NAALADL2: variants seen among roughly 807,000 people sequenced by gnomAD.
The protein encoded by NAALADL2 is N-acetylated alpha-linked acidic dipeptidase like 2, also known as inactive N-acetylated-alpha-linked acidic dipeptidase-like protein 2.
In NAALADL2, 76 loss-of-function variants were observed where a neutral mutation model predicts 87.2. The observed-to-expected ratio is 0.87, with a 90% CI of 0.72 to 1.05. The LOEUF (loss-of-function observed/expected upper bound fraction) is 1.05. Ranked by LOEUF, NAALADL2 falls within the 50% of genes least tolerant of loss-of-function variation. The pLI is 0.00. For synonymous variants in NAALADL2, 354 were observed against 331.0 expected (o/e 1.07, Z -0.75); for missense variants, 1,089 against 945.8 (o/e 1.15, Z -1.99).
intron 10 of NAALADL2, among the ~76,000 whole-genome samples, chr3:175,615,225 C>T (rs1188263524): frequency 6.6e-6 from 1 of 152,108 alleles, no homozygotes; most frequent in East Asian, 1.9e-4. Flanking sequence ...ACTGAATTAA[C>T]TCAGAATAAG....
intron 3 of NAALADL2, among the ~76,000 whole-genome samples, chr3:174,756,719 G>A (rs960855509): frequency 1.1e-4 from 16 of 152,102 alleles, no homozygotes; most frequent in African/African-American, 3.9e-4. Context: ...AAATAAAGCT[G>A]GTACACAGTA....
At chr3:175,188,413 G>C (rs1737657337) in intron 2 of NAALADL2, among the ~76,000 whole-genome samples, 1 of 152,128 alleles carries the variant, frequency 6.6e-6, no homozygotes, top group Non-Finnish European at 1.5e-5. Flanking sequence ...TCTTCGCAAA[G>C]CAGGGGAGTC....
intron 2 of NAALADL2, among the ~76,000 whole-genome samples, chr3:175,179,630 T>C (rs1369925571): frequency 2.6e-5 from 4 of 152,144 alleles, no homozygotes; most frequent in South Asian, 4.1e-4. Context: ...TATAAAACTT[T>C]ATAGTTATTT....
chr3:174,685,449 A>G (rs1727943273), intron 2 of NAALADL2, among the ~76,000 whole-genome samples: 1 of 152,046 alleles, frequency 6.6e-6, no homozygotes, highest in Non-Finnish European at 1.5e-5. Flanking sequence ...GTTGATTCCA[A>G]ACTTCTCTTC....
At chr3:175,447,439 C>A in intron 6 of NAALADL2, 67 bp downstream of exon 6, 1 of 1,110,978 alleles carries the variant, frequency 9.0e-7, no homozygotes, top group Non-Finnish European at 1.2e-6. Flanking sequence ...TTTTTAATCT[C>A]CTAAATTGAT....
intron 2 of NAALADL2, among the ~76,000 whole-genome samples, chr3:174,610,251 A>C (rs955808592): frequency 1.3e-5 from 2 of 152,004 alleles, no homozygotes; most frequent in African/African-American, 2.4e-5. Flanking sequence ...GGACATAGGC[A>C]TGGGCAAGGA....
chr3:174,607,966 C>T (rs1719313312), intron 2 of NAALADL2, among the ~76,000 whole-genome samples: 1 of 152,164 alleles, frequency 6.6e-6, no homozygotes, highest in Admixed American at 6.5e-5. Flanking sequence ...AACAAACTGT[C>T]TCTCAGACCA....
chr3:174,623,048 A>G (rs1048181194), intron 2 of NAALADL2, among the ~76,000 whole-genome samples: 1 of 152,220 alleles, frequency 6.6e-6, no homozygotes, highest in African/African-American at 2.4e-5. Context: ...GTCTCAAAAA[A>G]AAAGAGGACT....
intron 4 of NAALADL2, among the ~76,000 whole-genome samples, chr3:175,270,104 G>A (rs1458903259): frequency 6.6e-6 from 1 of 152,166 alleles, no homozygotes; most frequent in Non-Finnish European, 1.5e-5. Context: ...GCCTGAAAAT[G>A]CCTCTAACCA....
chr3:175,400,467 T>A (rs1411948512), intron 5 of NAALADL2, among the ~76,000 whole-genome samples: 7 of 151,874 alleles, frequency 4.6e-5, no homozygotes, highest in Admixed American at 3.9e-4. Context: ...TACTGAAAAG[T>A]GAAAGATAAA....
At chr3:175,131,840 T>C (rs1285960455) in intron 2 of NAALADL2, among the ~76,000 whole-genome samples, 2 of 90,618 alleles carry the variant, frequency 2.2e-5, no homozygotes, top group Non-Finnish European at 4.2e-5. Context: ...CCCACCTCCC[T>C]CCCGGACGGG....
intron 2 of NAALADL2, among the ~76,000 whole-genome samples, chr3:174,650,517 G>A (rs1305007400): frequency 6.6e-6 from 1 of 152,026 alleles, no homozygotes; most frequent in Non-Finnish European, 1.5e-5. Flanking sequence ...TTTACAACTA[G>A]TGTTCAGAAC....
At chr3:175,406,114 C>A (rs1712332109) in intron 5 of NAALADL2, among the ~76,000 whole-genome samples, 1 of 152,094 alleles carries the variant, frequency 6.6e-6, no homozygotes, top group Non-Finnish European at 1.5e-5. Flanking sequence ...AATTTCCGGT[C>A]ATGATTACTA....
At chr3:175,172,213 G>A (rs966512491) in intron 2 of NAALADL2, among the ~76,000 whole-genome samples, 4 of 151,910 alleles carry the variant, frequency 2.6e-5, no homozygotes, top group East Asian at 3.9e-4. Context: ...CATTGATAAT[G>A]TAATCATATC....
At chr3:175,568,439 G>C (rs1189314506) in intron 9 of NAALADL2, among the ~76,000 whole-genome samples, 5 of 152,090 alleles carry the variant, frequency 3.3e-5, no homozygotes, top group African/African-American at 1.2e-4. Context: ...AAAGACCCAT[G>C]GAATCCTAAA....
intron 1 of NAALADL2, among the ~76,000 whole-genome samples, chr3:175,047,233 G>T (rs1279516155): frequency 6.6e-6 from 1 of 152,060 alleles, no homozygotes; most frequent in African/African-American, 2.4e-5. Flanking sequence ...ACTGGAGGGG[G>T]GACAATTGTT....
At chr3:175,654,620 G>T (rs994869875) in intron 11 of NAALADL2, among the ~76,000 whole-genome samples, 2 of 152,080 alleles carry the variant, frequency 1.3e-5, no homozygotes, top group African/African-American at 4.8e-5. Flanking sequence ...CACAAAAATC[G>T]CAATTGGCAT....
At chr3:175,383,516 A>G (rs774731628) in intron 5 of NAALADL2, among the ~76,000 whole-genome samples, 17 of 152,058 alleles carry the variant, frequency 1.1e-4, no homozygotes, top group Non-Finnish European at 2.4e-4. Flanking sequence ...GCAATAGACC[A>G]CTGATACTTA....
chr3:174,979,329 G>A (rs113265876), intron 1 of NAALADL2, among the ~76,000 whole-genome samples: 2 of 113,118 alleles, frequency 1.8e-5, no homozygotes, highest in East Asian at 2.4e-4. Flanking sequence ...TTTTTGAGAC[G>A]GAGTCTCGCT....
Sources: allele counts gnomAD v4.1 joint callset (sites outside exome capture counted in the v4.1 genomes callset), GRCh38; gene constraint gnomAD v4.1.1; transcripts MANE v1.5; gene names NCBI Gene and HGNC (gene_info 2026-07-23, HGNC 2026-07-21).